LPIN1: variants seen among roughly 807,000 people sequenced by gnomAD.
The protein encoded by LPIN1 is phosphatidate phosphatase LPIN1.
A neutral mutation model predicts 107.5 loss-of-function variants in LPIN1; 71 were observed. The ratio of observed to expected loss-of-function variants is 0.66; its 90% CI spans 0.55 to 0.80. LPIN1 has a LOEUF of 0.80. Among genes scored for constraint, LPIN1 ranks in the 30% least tolerant of loss-of-function variants. LPIN1 has a pLI of 0.00. For synonymous variants in LPIN1, 445 were observed against 452.6 expected (o/e 0.98, Z 0.21); for missense variants, 1,043 against 1,160.6 (o/e 0.90, Z 1.47).
chr2:11,775,052 CAATTTT>C (rs1203988116), intron 5 of LPIN1, among the ~76,000 whole-genome samples: 1 of 151,454 alleles, frequency 6.6e-6, no homozygotes, highest in African/African-American at 2.4e-5. Context: ...AACAAGCAAT[CAATTTT>C]AAAGAATTAT....
rs571683440 is a variant in LPIN1 at position 11,784,502 on chromosome 2, T to C, written c.1359-384T>C. 4.1e-4 allele frequency among the ~76,000 whole-genome samples: 62 copies of C among 152,270 alleles called. No individual in the cohort carries two copies. In the South Asian group the frequency reaches 0.013, roughly 32 times the overall value. ...ACAGTGGTCGTGGTCCACAGCCCAG[T>C]AAGTGGCAGCTGTGCAGCCCTTTTT... On this transcript the variant is annotated intron_variant, in intron 9 of 20. Coordinates refer to ENST00000674199, the MANE Select transcript of LPIN1 (RefSeq NM_001349206.2).
chr2:11,798,086 C>G (rs1246952232), intron 14 of LPIN1, among the ~76,000 whole-genome samples: 1 of 152,172 alleles, frequency 6.6e-6, no homozygotes, highest in African/African-American at 2.4e-5. Context: ...TGCACTCACT[C>G]CGTCCTGCTG....
intron 1 of LPIN1, among the ~76,000 whole-genome samples, chr2:11,731,223 C>A (rs58686966): frequency 0.058 from 8,763 of 152,166 alleles, 871 homozygotes; most frequent in African/African-American, 0.2. Flanking sequence ...GCTCTCCCTC[C>A]CCTTGTCCCC....
chr2:11,756,368 T>C (rs1668689187), intron 1 of LPIN1, among the ~76,000 whole-genome samples: 1 of 152,180 alleles, frequency 6.6e-6, no homozygotes, highest in South Asian at 2.1e-4. Context: ...CTAAAATAAT[T>C]CAAATCCCTT....
intron 7 of LPIN1, among the ~76,000 whole-genome samples, chr2:11,781,097 A>G (rs1673502026): frequency 6.6e-6 from 1 of 152,240 alleles, no homozygotes; most frequent in Non-Finnish European, 1.5e-5. Context: ...TGCATCCCCA[A>G]TAAATGTTTG....
At chr2:11,696,607 G>A (rs1662594642) in intron 1 of LPIN1, among the ~76,000 whole-genome samples, 1 of 152,172 alleles carries the variant, frequency 6.6e-6, no homozygotes, top group African/African-American at 2.4e-5. Context: ...CGAGCAAGGT[G>A]TCTGTAGGGC....
chr2:11,814,466 T>C (rs1680215392), intron 17 of LPIN1, among the ~76,000 whole-genome samples: 1 of 151,182 alleles, frequency 6.6e-6, no homozygotes, highest in South Asian at 2.1e-4. Flanking sequence ...AACAGAGAAA[T>C]GGTATCTTAG....
chr2:11,694,203 C>T (rs1347150224), intron 1 of LPIN1, among the ~76,000 whole-genome samples: 1 of 152,070 alleles, frequency 6.6e-6, no homozygotes, highest in East Asian at 1.9e-4. Flanking sequence ...CATTTTGGAA[C>T]AGAATGATAG....
chr2:11,786,998 C>T lies in LPIN1; in HGVS notation c.1550-76C>T. On this transcript the variant is annotated intron_variant, in intron 10 of 20. Coordinates refer to ENST00000674199, the MANE Select transcript of LPIN1 (RefSeq NM_001349206.2). This position sits in a 1 kb window ranked among gnomAD's most constrained non-coding sequence, Gnocchi z 4.1. ...CTCTCAGAAAACACTTGTGAGTGAG[C>T]AAATGAAAGGTAGGCCTAATTTTGA... The T allele has an allele frequency of 1.1e-6, 1 of 946,040 alleles. No homozygotes were observed. Among genetic ancestry groups the T allele is most frequent in the African/African-American group, 1.6e-5 (1 of 62,388 alleles). 58.6% of individuals were successfully genotyped at this position (946,040 alleles called of 1,614,324 possible).
chr2:11,784,682 A>T (rs1024631851), intron 9 of LPIN1: 13 of 643,948 alleles, frequency 2.0e-5, no homozygotes, highest in Non-Finnish European at 3.4e-5. Context: ...AGATGCAGCC[A>T]GCTGAGAAGT....
At position 11,707,159 on chromosome 2, in the gene LPIN1, C is replaced by T. The variant is rs1306144430; in HGVS notation, c.82-6597C>T. 6.6e-6 allele frequency among the ~76,000 whole-genome samples: 1 copy of T among 152,060 alleles called. No homozygotes were observed. Among genetic ancestry groups the T allele is most frequent in the Non-Finnish European group, 1.5e-5 (1 of 68,006 alleles). ...AGGTCCTATATTTTAGTAGGAAAAA[C>T]AGAAAACAAAGAATAATGATCTAAC... is the stretch of plus-strand genomic sequence containing the variant. On this transcript the variant is annotated intron_variant, in intron 1 of 21. Transcript: ENST00000449576. This position sits in a 1 kb window ranked among gnomAD's most constrained non-coding sequence, Gnocchi z 4.2.
At chr2:11,788,305 C>T in intron 11 of LPIN1, 82 bp from the exon 12 acceptor site, 1 of 1,096,804 alleles carries the variant, frequency 9.1e-7, no homozygotes, top group Admixed American at 1.7e-5. Context: ...CCCGAGCTTT[C>T]CTTGACTACT....
chr2:11,806,647 T>G (rs1483859828), intron 17 of LPIN1, among the ~76,000 whole-genome samples: 1 of 152,208 alleles, frequency 6.6e-6, no homozygotes, highest in Non-Finnish European at 1.5e-5. Context: ...TTGACTTTAC[T>G]TTTCTAGATT....
At chr2:11,790,294 G>C in intron 12 of LPIN1, among the ~76,000 whole-genome samples, 1 of 152,222 alleles carries the variant, frequency 6.6e-6, no homozygotes, top group East Asian at 1.9e-4. Flanking sequence ...GAGGTTGGCA[G>C]TTTCAGGCTT....
chr2:11,695,038 C>T (rs1164962951), intron 1 of LPIN1, among the ~76,000 whole-genome samples: 1 of 152,162 alleles, frequency 6.6e-6, no homozygotes, highest in Non-Finnish European at 1.5e-5. Context: ...CCCAGGTGGT[C>T]ATGAGGCTAC....
chr2:11,822,748 C>T (rs1046776441), intron 20 of LPIN1, among the ~76,000 whole-genome samples: 2 of 152,136 alleles, frequency 1.3e-5, no homozygotes, highest in Non-Finnish European at 2.9e-5. Flanking sequence ...GAACTTTGAA[C>T]CAATGAGACG....
rs1461041127 is a variant in LPIN1, at chr2:11,795,442, C to T, written c.1841C>T (p.Ala614Val). ...SKPEQCLAGK[A>V]HSTGEQPPQL... ...CCAGAGCAGTGCTTGGCTGGCAAGG[C>T]CCATAGCACCGGAGAGCAACCGCCG... The change falls in exon 14 of 21, where the codon GCC (alanine) becomes GTC (valine). Residue 614 changes from alanine (A) to valine (V), a missense_variant. Ala to Val is a moderately conservative substitution (Grantham distance 64). Coordinates refer to ENST00000674199, the MANE Select transcript of LPIN1 (RefSeq NM_001349206.2). The T allele has an allele frequency of 3.1e-6, 5 of 1,614,104 alleles. No homozygotes were observed. Among genetic ancestry groups the T allele is most frequent in the East Asian group, 2.2e-5 (1 of 44,878 alleles).
chr2:11,736,290 C>G (rs61382095), intron 1 of LPIN1, among the ~76,000 whole-genome samples: 6,142 of 152,282 alleles, frequency 0.04, 441 homozygotes, highest in African/African-American at 0.14. Flanking sequence ...ACAGAAATTT[C>G]TATCTCATGG....
intron 1 of LPIN1, among the ~76,000 whole-genome samples, chr2:11,679,932 T>G (rs995987537): frequency 2.2e-4 from 34 of 152,330 alleles, no homozygotes; most frequent in African/African-American, 7.9e-4. Context: ...TCTGGCCTGC[T>G]TGCTGAAGGG....
Sources: gnomAD v4.1 joint callset for allele counts (sites outside exome capture counted in the v4.1 genomes callset) on GRCh38, gnomAD v4.1.1 for gene constraint, Gnocchi (gnomAD v3.1) non-coding constraint, MANE v1.5 for transcripts, NCBI Gene and HGNC (gene_info 2026-07-23, HGNC 2026-07-21) for gene names.